The following PLCL1 variants were observed in gnomAD, a reference collection of about 807,000 sequenced individuals.
PLCL1 encodes phospholipase C like 1 (inactive), also known as inactive phospholipase C-like protein 1.
In PLCL1, 41 loss-of-function variants were observed where a neutral mutation model predicts 84.4. That is an observed-to-expected ratio of 0.49 (90% CI 0.38 to 0.63). PLCL1 has a LOEUF of 0.63. Ranked by LOEUF, PLCL1 falls within the 30% of genes least tolerant of loss-of-function variation. The pLI is 0.00. For synonymous variants in PLCL1, 490 were observed against 488.3 expected (o/e 1.00, Z -0.05); for missense variants, 1,206 against 1,367.8 (o/e 0.88, Z 1.87).
intron 1 of PLCL1, among the ~76,000 whole-genome samples, chr2:198,055,740 A>G (rs1692055768): frequency 1.3e-5 from 2 of 152,164 alleles, no homozygotes; most frequent in African/African-American, 4.8e-5. Flanking sequence ...TAAGGATTGT[A>G]TAGCCACCTT....
At position 197,805,724 on chromosome 2, in the gene PLCL1, T is replaced by A. The variant is rs1448270658; in HGVS notation, c.240+385T>A. On this transcript the variant is annotated intron_variant, in intron 1 of 5. Transcript: ENST00000428675. The surrounding 1 kb of genome is among the most constrained non-coding windows in gnomAD (Gnocchi z 4.0). ...TGAAGGGTTAGCTTTTCCCATACAA[T>A]GAAGAAAATGCACAGCTTACTCTCA... Among the ~76,000 whole-genome samples the A allele has an allele frequency of 6.6e-6, 1 of 152,054 alleles. No homozygotes were observed. Among genetic ancestry groups the A allele is most frequent in the Non-Finnish European group, 1.5e-5 (1 of 68,018 alleles).
At chr2:197,931,968 A>G (rs964790389) in intron 1 of PLCL1, among the ~76,000 whole-genome samples, 1 of 152,162 alleles carries the variant, frequency 6.6e-6, no homozygotes, top group Non-Finnish European at 1.5e-5. Context: ...TAGATTGTAA[A>G]ATATCCTGCA....
chr2:197,857,079 G>A (rs1331438466), intron 1 of PLCL1, among the ~76,000 whole-genome samples: 2 of 151,918 alleles, frequency 1.3e-5, no homozygotes, highest in Non-Finnish European at 2.9e-5. Context: ...AACCACTGTG[G>A]CACATGTTTA....
In PLCL1 at chr2:197,805,052, C is replaced by G; in HGVS notation, c.-48C>G. ...ACCGGTGCCTAGCGGCTGGACTCCG[C>G]TGCCGGGCGTCCCGCTTTCCCCCGG... On this transcript the variant is annotated 5_prime_UTR_variant, in exon 1 of 6. Coordinates refer to ENST00000428675, the MANE Select transcript of PLCL1 (RefSeq NM_006226.4). This position sits in a 1 kb window ranked among gnomAD's most constrained non-coding sequence, Gnocchi z 4.0. 1.4e-6 allele frequency: 2 copies of G among 1,418,766 alleles called. No homozygotes were observed. Among genetic ancestry groups the G allele is most frequent in the Non-Finnish European group, 1.8e-6 (2 of 1,091,776 alleles). The allele number at this position is 1,418,766 out of a possible 1,614,324, so 87.9% of individuals were successfully genotyped here. A position where few individuals can be genotyped will look rare whatever the true frequency, so the allele number is the denominator to read the frequency against.
chr2:197,929,272 G>A (rs746157821), intron 1 of PLCL1, among the ~76,000 whole-genome samples: 3 of 152,152 alleles, frequency 2.0e-5, no homozygotes, highest in Admixed American at 1.3e-4. Context: ...AGGGCCGACT[G>A]TAAACGCCTT....
At chr2:197,935,977 A>G (rs1464762382) in intron 1 of PLCL1, among the ~76,000 whole-genome samples, 1 of 152,102 alleles carries the variant, frequency 6.6e-6, no homozygotes, top group East Asian at 1.9e-4. Context: ...TAGATTCCAC[A>G]TATAAGTGAG....
intron 1 of PLCL1, among the ~76,000 whole-genome samples, chr2:198,028,552 G>T (rs1234404632): frequency 6.6e-6 from 1 of 152,080 alleles, no homozygotes; most frequent in Non-Finnish European, 1.5e-5. Flanking sequence ...CTTTTCAGTC[G>T]TTCCTTTTCT....
At chr2:198,077,695 G>A (rs576762049) in intron 1 of PLCL1, among the ~76,000 whole-genome samples, 1 of 152,144 alleles carries the variant, frequency 6.6e-6, no homozygotes, top group African/African-American at 2.4e-5. Flanking sequence ...TCTCCCTGGA[G>A]GTTTGACTCA....
chr2:198,014,863 TCC>T (rs1241256344), intron 1 of PLCL1, among the ~76,000 whole-genome samples: 1 of 152,154 alleles, frequency 6.6e-6, no homozygotes, highest in Non-Finnish European at 1.5e-5. Flanking sequence ...CAAATTGTTT[TCC>T]TTTTTATGTC....
chr2:197,834,509 A>T (rs2105660236), intron 1 of PLCL1, among the ~76,000 whole-genome samples: 1 of 152,360 alleles, frequency 6.6e-6, no homozygotes, highest in East Asian at 1.9e-4. Flanking sequence ...GACACTTCTC[A>T]AAAGAAGACA....
At chr2:197,902,450 G>A (rs530790547) in intron 1 of PLCL1, among the ~76,000 whole-genome samples, 1 of 152,290 alleles carries the variant, frequency 6.6e-6, no homozygotes, top group East Asian at 1.9e-4. Flanking sequence ...AAGTGTGAAC[G>A]TGACATTGGA....
intron 1 of PLCL1, among the ~76,000 whole-genome samples, chr2:197,848,611 T>A (rs978682465): frequency 6.6e-6 from 1 of 152,072 alleles, no homozygotes; most frequent in Non-Finnish European, 1.5e-5. Flanking sequence ...AGTCAAAAAA[T>A]AAACAAAACA....
intron 1 of PLCL1, among the ~76,000 whole-genome samples, chr2:198,034,763 G>A (rs943768638): frequency 1.3e-5 from 2 of 152,138 alleles, no homozygotes; most frequent in African/African-American, 4.8e-5. Context: ...AATTTTTGTG[G>A]TCTAGGAAAT....
intron 1 of PLCL1, among the ~76,000 whole-genome samples, chr2:198,047,436 C>G (rs1691834125): frequency 6.6e-6 from 1 of 152,042 alleles, no homozygotes; most frequent in South Asian, 2.1e-4. Context: ...CCCACCTTGG[C>G]CTTTCAAAGT....
intron 1 of PLCL1, among the ~76,000 whole-genome samples, chr2:198,028,770 T>G (rs1691336584): frequency 6.6e-6 from 1 of 152,170 alleles, no homozygotes; most frequent in African/African-American, 2.4e-5. Context: ...TTCATGACAT[T>G]TCATGAACTT....
intron 4 of PLCL1, among the ~76,000 whole-genome samples, chr2:198,101,913 T>C (rs1693348226): frequency 6.6e-6 from 1 of 152,044 alleles, no homozygotes; most frequent in Non-Finnish European, 1.5e-5. Context: ...TCTATCCACA[T>C]ACCCGATAAT....
intron 1 of PLCL1, among the ~76,000 whole-genome samples, chr2:198,057,327 G>A (rs1365681710): frequency 1.3e-5 from 2 of 152,098 alleles, no homozygotes; most frequent in African/African-American, 4.8e-5. Flanking sequence ...GAGCTGGTGA[G>A]GATGTGGCCA....
chr2:198,105,396 C>A (rs1693449146), intron 5 of PLCL1, among the ~76,000 whole-genome samples: 1 of 151,922 alleles, frequency 6.6e-6, no homozygotes, highest in African/African-American at 2.4e-5. Context: ...TGTACCAATG[C>A]CATGCTGTTT....
In PLCL1 at chr2:197,864,724, T is replaced by C. The variant is rs562201040; in HGVS notation, c.240+59385T>C. ...CATGGGCTCAAGCCTTCTGCCTGCC[T>C]TGGCCTCCCAAAGTACTGGGATTAC... On this transcript the variant is annotated intron_variant, in intron 1 of 5. Coordinates refer to ENST00000428675, the MANE Select transcript of PLCL1 (RefSeq NM_006226.4). 1.6e-4 allele frequency among the ~76,000 whole-genome samples: 24 copies of C among 152,266 alleles called. No individual in the cohort carries two copies. In the South Asian group the frequency reaches 1.7e-3, roughly 11 times the overall value.
Sources: allele counts gnomAD v4.1 joint callset (sites outside exome capture counted in the v4.1 genomes callset), GRCh38; gene constraint gnomAD v4.1.1; non-coding constraint Gnocchi (gnomAD v3.1); transcripts MANE v1.5; gene names NCBI Gene and HGNC (gene_info 2026-07-23, HGNC 2026-07-21).